Variants in LRBA observed in about 807,000 individuals in gnomAD.
The protein encoded by LRBA is lipopolysaccharide-responsive and beige-like anchor protein.
A neutral mutation model predicts 330.0 loss-of-function variants in LRBA; 176 were observed. The ratio of observed to expected loss-of-function variants is 0.53; its 90% CI spans 0.47 to 0.60. The LOEUF is 0.60. Among genes scored for constraint, LRBA ranks in the 20% least tolerant of loss-of-function variants. LRBA has a pLI of 0.00. For synonymous variants in LRBA, 1,230 were observed against 1,193.0 expected (o/e 1.03, Z -0.64); for missense variants, 3,259 against 3,444.8 (o/e 0.95, Z 1.35).
At chr4:150,368,330 T>G (rs879385545) in intron 47 of LRBA, among the ~76,000 whole-genome samples, 6 of 151,752 alleles carry the variant, frequency 4.0e-5, no homozygotes, top group Non-Finnish European at 7.4e-5. Context: ...GAAAAAAAAA[T>G]ACTATAAAGC....
At chr4:150,282,341 G>T in intron 55 of LRBA, 109 bp downstream of exon 55, 1 of 925,554 alleles carries the variant, frequency 1.1e-6, no homozygotes, top group Non-Finnish European at 1.7e-6. Context: ...TGGAAAAGAG[G>T]CCCTCGGCAA....
Position 150,491,044 on chromosome 4 carries a change from GA to G in LRBA, c.6331-10del, listed in dbSNP as rs1200104250. The G allele has an allele frequency of 1.6e-5, 23 of 1,396,530 alleles. No homozygotes were observed. The highest frequency in any genetic ancestry group is 6.9e-5 in the South Asian group (5 of 72,660). 86.5% of individuals were successfully genotyped at this position (1,396,530 alleles called of 1,614,324 possible). A position where few individuals can be genotyped will look rare whatever the true frequency, so the allele number is the denominator to read the frequency against. The stretch of plus-strand genomic sequence containing the variant: ...TCTGTATATGCCAAGATCTAATGAG[GA>G]AAAAAATAATCCCAGGTAAGTAACA... On this transcript the variant is annotated splice_polypyrimidine_tract_variant and intron_variant, in intron 40 of 56. Transcript: ENST00000651943.
chr4:150,933,706 AAC>A (rs1277571551), intron 2 of LRBA, among the ~76,000 whole-genome samples: 1 of 152,152 alleles, frequency 6.6e-6, no homozygotes, highest in Non-Finnish European at 1.5e-5. Flanking sequence ...TTTCAAAAAA[AAC>A]AATTTAAAAA....
At chr4:150,404,325 T>C (rs936989545) in intron 47 of LRBA, among the ~76,000 whole-genome samples, 1 of 152,150 alleles carries the variant, frequency 6.6e-6, no homozygotes, top group Non-Finnish European at 1.5e-5. Context: ...GGAAAGAATA[T>C]ATAGGGGTGT....
In LRBA at chr4:150,831,873, C is replaced by G; in HGVS notation, c.4673G>C (p.Arg1558Thr). The change falls in exon 29 of 57, where the codon AGG becomes ACG. Residue 1558 changes from arginine (R) to threonine (T), a missense_variant. Coordinates refer to ENST00000651943, the MANE Select transcript of LRBA (RefSeq NM_001364905.1). ...AGTTTCTGTACATGACTGGCTATGCCTTTCATTTTGGGGTTCCAAAATGTC... is the reference window on the plus strand; with the variant it reads ...AGTTTCTGTACATGACTGGCTATGCGTTTCATTTTGGGGTTCCAAAATGTC... ...YRDILEPQNE[R>T]HSQSCTETGS... 1 of 1,604,720 alleles carries G rather than the reference C, an allele frequency of 6.2e-7. No individual in the cohort carries two copies.
At chr4:150,286,189 CTA>C (rs1748112266) in intron 53 of LRBA, among the ~76,000 whole-genome samples, 155 bp from the exon 54 acceptor site, 1 of 152,136 alleles carries the variant, frequency 6.6e-6, no homozygotes, top group African/African-American at 2.4e-5. Context: ...AAGTTACATA[CTA>C]TAGTTTGATT....
At chr4:150,706,630 A>T (rs1785651510) in intron 36 of LRBA, among the ~76,000 whole-genome samples, 1 of 151,628 alleles carries the variant, frequency 6.6e-6, no homozygotes. Context: ...CTGTAAGGCA[A>T]CAAAAAATAC....
intron 40 of LRBA, among the ~76,000 whole-genome samples, chr4:150,569,689 C>CA (rs1398781240): frequency 6.6e-6 from 1 of 152,088 alleles, no homozygotes; most frequent in Non-Finnish European, 1.5e-5. Flanking sequence ...CGGTAATTAA[C>CA]AGAGATTATG....
At chr4:150,824,523 T>G (rs1254196445) in intron 30 of LRBA, among the ~76,000 whole-genome samples, 1 of 152,238 alleles carries the variant, frequency 6.6e-6, no homozygotes, top group Admixed American at 6.5e-5. Context: ...AGTTTTTCTC[T>G]GTTCCATATG....
chr4:150,771,183 T>C (rs190134820), intron 34 of LRBA, among the ~76,000 whole-genome samples: 8 of 152,266 alleles, frequency 5.3e-5, no homozygotes, highest in African/African-American at 1.9e-4. Context: ...CTTTTGCTAT[T>C]GGGTCACTAG....
chr4:150,876,063 C>G (rs1276529711), intron 17 of LRBA, among the ~76,000 whole-genome samples: 1 of 152,098 alleles, frequency 6.6e-6, no homozygotes, highest in Non-Finnish European at 1.5e-5. Context: ...TTGAAAAACT[C>G]ACTTAAGAAA....
At chr4:150,988,590 T>G (rs1025524884) in intron 2 of LRBA, among the ~76,000 whole-genome samples, 2 of 152,210 alleles carry the variant, frequency 1.3e-5, no homozygotes, top group Non-Finnish European at 2.9e-5. Context: ...ATCAAATTTT[T>G]TTTTTTTGAG....
chr4:151,007,897 T>C (rs1682586226), intron 2 of LRBA, among the ~76,000 whole-genome samples: 1 of 151,630 alleles, frequency 6.6e-6, no homozygotes, highest in South Asian at 2.1e-4. Context: ...TCCCTTACCC[T>C]TATCTCACAC....
chr4:150,984,318 G>A (rs1741185830), intron 2 of LRBA, among the ~76,000 whole-genome samples: 1 of 152,154 alleles, frequency 6.6e-6, no homozygotes, highest in Non-Finnish European at 1.5e-5. Context: ...TTCGAGACCA[G>A]CCTCAACATG....
chr4:150,562,908 T>G (rs572753877), intron 40 of LRBA, among the ~76,000 whole-genome samples: 2 of 152,052 alleles, frequency 1.3e-5, no homozygotes, highest in East Asian at 1.9e-4. Flanking sequence ...CCAGCAATCC[T>G]CTTATCTCAG....
At chr4:150,324,848 T>C (rs926477083) in intron 49 of LRBA, among the ~76,000 whole-genome samples, 15 of 152,180 alleles carry the variant, frequency 9.9e-5, no homozygotes, top group African/African-American at 3.6e-4. Context: ...AAAAACAATA[T>C]GTATAGTCTA....
intron 22 of LRBA, among the ~76,000 whole-genome samples, chr4:150,860,361 C>G (rs1751742030): frequency 1.3e-5 from 2 of 152,084 alleles, no homozygotes; most frequent in Non-Finnish European, 2.9e-5. Context: ...TAGTTTTACT[C>G]AGATAAAAAG....
chr4:150,464,712 T>C (rs1460915402), intron 44 of LRBA, among the ~76,000 whole-genome samples: 2 of 152,066 alleles, frequency 1.3e-5, no homozygotes, highest in Non-Finnish European at 2.9e-5. Flanking sequence ...TTGTTAAGGA[T>C]GACCTAAGCT....
chr4:150,337,547 G>A (rs2126996465), intron 48 of LRBA, among the ~76,000 whole-genome samples: 1 of 152,206 alleles, frequency 6.6e-6, no homozygotes, highest in African/African-American at 2.4e-5. Flanking sequence ...TTAAATGTAG[G>A]TTTTCAATTA....
Sources: gnomAD v4.1 joint callset for allele counts (sites outside exome capture counted in the v4.1 genomes callset) on GRCh38, gnomAD v4.1.1 for gene constraint, MANE v1.5 for transcripts, NCBI Gene and HGNC (gene_info 2026-07-23, HGNC 2026-07-21) for gene names.